Variants in FBXO47 observed in about 807,000 individuals in gnomAD.
The protein encoded by FBXO47 is F-box only protein 47.
Under a neutral mutation model 53.9 loss-of-function variants are expected in FBXO47, and 34 were observed. The ratio of observed to expected loss-of-function variants is 0.63; its 90% CI spans 0.48 to 0.84. FBXO47 has a LOEUF of 0.84. FBXO47 is among the 40% of genes least tolerant of loss of function. FBXO47 has a pLI of 0.00. For missense variants in FBXO47, 485 were observed against 541.3 expected, an observed-to-expected ratio of 0.90 and a Z score of 1.03; for synonymous variants, 165 against 181.6, an observed-to-expected ratio of 0.91 and a Z score of 0.73.
At chr17:38,946,614 C>CTATATAAATATATATGAATATATAAA (rs1904878878) in intron 6 of FBXO47, among the ~76,000 whole-genome samples, 2 of 9,840 alleles carry the variant, frequency 2.0e-4, no homozygotes, top group Non-Finnish European at 3.1e-4. Flanking sequence ...ATATATATAA[C>CTATATAAATATATATGAATATATAAA]TATATAAATA....
At chr17:38,958,271 G>C (rs943548768) in intron 3 of FBXO47, among the ~76,000 whole-genome samples, 1 of 151,992 alleles carries the variant, frequency 6.6e-6, no homozygotes, top group Non-Finnish European at 1.5e-5. Flanking sequence ...GCGTTGGGCC[G>C]AGAAAACAGG....
At chr17:38,946,905 A>AAAT (rs1567717443) in intron 6 of FBXO47, among the ~76,000 whole-genome samples, 10 of 119,818 alleles carry the variant, frequency 8.3e-5, no homozygotes, top group African/African-American at 2.1e-4. Context: ...AACATATATA[A>AAAT]ATATATATAA....
At chr17:38,966,970 C>A (rs1335133543) in intron 1 of FBXO47, among the ~76,000 whole-genome samples, 1 of 151,930 alleles carries the variant, frequency 6.6e-6, no homozygotes, top group Non-Finnish European at 1.5e-5. Flanking sequence ...ATTGGATGAA[C>A]CTCCCCGCCC....
intron 6 of FBXO47, among the ~76,000 whole-genome samples, chr17:38,946,226 A>G: frequency 9.0e-6 from 1 of 110,760 alleles, no homozygotes; most frequent in African/African-American, 3.7e-5. Context: ...AAATATATAT[A>G]AATATATACA....
At position 38,962,924 on chromosome 17, in the gene FBXO47, G is replaced by C; in HGVS notation, c.102C>G (p.Gly34=). The change falls in exon 2 of 11, where the codon GGC becomes GGG. Residue 34 remains glycine (G), a synonymous_variant. Coordinates refer to ENST00000378079, the MANE Select transcript of FBXO47 (RefSeq NM_001008777.3). ...TTCCAAATGTTGATATGGGTTGAAA[G>C]CCTGAGCCAAGGGTCTTGGAATAAC... The part of the protein sequence containing the change: ...TSCYSKTLGS[G]FQPISTFGNF... The C allele has an allele frequency of 1.2e-6, 2 of 1,613,482 alleles. No homozygotes were observed. The highest frequency in any genetic ancestry group is 1.7e-6 in the Non-Finnish European group (2 of 1,179,538).
chr17:38,959,699 G>A (rs1236258257), intron 3 of FBXO47, among the ~76,000 whole-genome samples: 1 of 151,426 alleles, frequency 6.6e-6, no homozygotes, highest in East Asian at 1.9e-4. Context: ...CAAGGCCGGA[G>A]TGCATTTTCA....
chr17:38,947,069 T>A (rs1211164756), intron 6 of FBXO47, among the ~76,000 whole-genome samples: 5 of 132,780 alleles, frequency 3.8e-5, no homozygotes, highest in Middle Eastern at 3.8e-3. Flanking sequence ...TAAATATATA[T>A]AAACATATAT....
intron 6 of FBXO47, among the ~76,000 whole-genome samples, chr17:38,948,330 A>G (rs761002845): frequency 2.0e-5 from 3 of 147,824 alleles, no homozygotes; most frequent in Non-Finnish European, 4.4e-5. Context: ...CTCCTGTCTC[A>G]GCCTCCCGAG....
intron 8 of FBXO47, among the ~76,000 whole-genome samples, chr17:38,943,157 CAT>C (rs1388163986): frequency 2.0e-5 from 3 of 152,154 alleles, no homozygotes; most frequent in African/African-American, 4.8e-5. Context: ...TTCTCCTACA[CAT>C]AGGTCAGCAG....
intron 3 of FBXO47, among the ~76,000 whole-genome samples, chr17:38,959,364 C>T (rs983934310): frequency 2.6e-5 from 4 of 151,864 alleles, no homozygotes; most frequent in East Asian, 1.9e-4. Flanking sequence ...GGGCAGATCA[C>T]TTGAGGACAG....
chr17:38,964,365 G>A (rs945560795), intron 1 of FBXO47, among the ~76,000 whole-genome samples: 2 of 152,112 alleles, frequency 1.3e-5, no homozygotes, highest in African/African-American at 4.8e-5. Flanking sequence ...GGAAGCCAAG[G>A]CGGGTGGATC....
chr17:38,946,183 TAAA>T (rs1567716325), intron 6 of FBXO47, among the ~76,000 whole-genome samples: 1 of 114,006 alleles, frequency 8.8e-6, no homozygotes, highest in African/African-American at 3.5e-5. Flanking sequence ...AAAATATATA[TAAA>T]TATATAAAAA....
At chr17:38,956,639 C>T (rs1428878912) in intron 4 of FBXO47, among the ~76,000 whole-genome samples, 2 of 150,896 alleles carry the variant, frequency 1.3e-5, no homozygotes, top group Non-Finnish European at 3.0e-5. Context: ...ACAGCAGATA[C>T]CACTGAGTGT....
intron 7 of FBXO47, among the ~76,000 whole-genome samples, chr17:38,944,191 A>ATGTGTG (rs71141737): frequency 0.054 from 7,181 of 133,486 alleles, 240 homozygotes; most frequent in Non-Finnish European, 0.067. Flanking sequence ...CAAAAAAAAC[A>ATGTGTG]TGTGTGTGTG....
chr17:38,945,269 G>A (rs905638896), intron 6 of FBXO47, 133 bp from the exon 7 acceptor site: 6 of 621,332 alleles, frequency 9.7e-6, no homozygotes, highest in Non-Finnish European at 1.7e-5. Flanking sequence ...AAGTAACCAA[G>A]AGATTATCTA....
chr17:38,965,050 A>G (rs1425706392), intron 1 of FBXO47, among the ~76,000 whole-genome samples: 1 of 152,160 alleles, frequency 6.6e-6, no homozygotes, highest in East Asian at 1.9e-4. Flanking sequence ...GGGTTTCACC[A>G]TGTTGGTCAG....
intron 4 of FBXO47, 87 bp from the exon 5 acceptor site, chr17:38,955,020 T>A (rs923221895): frequency 2.0e-6 from 2 of 1,023,406 alleles, no homozygotes; most frequent in African/African-American, 1.6e-5. Context: ...TCAAATTTAA[T>A]GGAAATAAGC....
chr17:38,951,976 G>T (rs1244350950), intron 5 of FBXO47, among the ~76,000 whole-genome samples: 3 of 152,096 alleles, frequency 2.0e-5, no homozygotes, highest in African/African-American at 7.2e-5. Flanking sequence ...GCAGTGAGAT[G>T]AGATCATGCC....
Position 38,942,333 on chromosome 17 carries a change from AC to A in FBXO47, c.1083+444del, listed in dbSNP as rs372438389. Among the ~76,000 whole-genome samples the A allele has an allele frequency of 3.0e-3, 460 of 152,146 alleles. 3 individuals are homozygous for A. The highest frequency in any genetic ancestry group is 0.011 in the African/African-American group (444 of 41,522). ...TATTAGGCCAGGTGTGGTGGCTCAC[AC>A]CTGTAATCCCAGCACTTTGGGAGGC... On this transcript the variant is annotated intron_variant, in intron 9 of 10. Transcript: ENST00000378079.
Sources: gnomAD v4.1 joint callset for allele counts (sites outside exome capture counted in the v4.1 genomes callset) on GRCh38, gnomAD v4.1.1 for gene constraint, MANE v1.5 for transcripts, NCBI Gene and HGNC (gene_info 2026-07-23, HGNC 2026-07-21) for gene names.